SNAI2: variants seen among roughly 807,000 people sequenced by gnomAD.
SNAI2 encodes the protein zinc finger protein SNAI2.
SNAI2 carries 2 observed loss-of-function variants against 22.4 expected under a neutral mutation model. The observed-to-expected ratio is 0.09, with a 90% CI of 0.04 to 0.28. The LOEUF (loss-of-function observed/expected upper bound fraction) is 0.28, where lower values mean the gene tolerates loss of function less well. Ranked by LOEUF, SNAI2 falls within the 10% of genes least tolerant of loss-of-function variation. The pLI is 1.00. For synonymous variants in SNAI2, 134 were observed against 123.0 expected, an observed-to-expected ratio of 1.09 and a Z score of -0.59; for missense variants, 239 against 320.8, an observed-to-expected ratio of 0.75 and a Z score of 1.95.
Position 48,919,981 on chromosome 8 carries a change from G to A in SNAI2, c.540C>T (p.Thr180=). Reference sequence around the variant, plus strand: ...TCTTGCAAACACAAGGTAATGTGTGGGTCCGAATATGCATCTTCAGGGCGC... The same window carrying A: ...TCTTGCAAACACAAGGTAATGTGTGAGTCCGAATATGCATCTTCAGGGCGC... ...SLGALKMHIR[T]HTLPCVCKIC... The change falls in exon 2 of 3, where the codon ACC becomes ACT. Residue 180 remains threonine, a synonymous_variant. Coordinates refer to ENST00000020945, the MANE Select transcript of SNAI2 (RefSeq NM_003068.5). The A allele has an allele frequency of 6.2e-7, 1 of 1,614,122 alleles. No individual in the cohort carries two copies. The highest frequency in any genetic ancestry group is 8.5e-7 in the Non-Finnish European group (1 of 1,180,038).
At chr8:48,921,090 C>A (rs751411894) in intron 1 of SNAI2, 97 bp downstream of exon 1, 4 of 930,164 alleles carry the variant, frequency 4.3e-6, no homozygotes, top group Non-Finnish European at 7.1e-6. Context: ...ACAGTTGAAT[C>A]TTTGGCTCTT....
chr8:48,921,409 C>A lies in SNAI2; in HGVS notation c.-144G>T. On this transcript the variant is annotated 5_prime_UTR_variant, in exon 1 of 3. Coordinates refer to ENST00000020945, the MANE Select transcript of SNAI2 (RefSeq NM_003068.5). ...ACGGACGGGCCGGCGCCTCTGAAGT[C>A]ACCCGGCTCCTTTACGAACTGAGCC... The A allele has an allele frequency of 1.4e-6, 1 of 696,416 alleles. No homozygotes were observed. The highest frequency in any genetic ancestry group is 2.5e-6 in the Non-Finnish European group (1 of 392,422). The allele number at this position is 696,416 out of a possible 1,614,324, so 43.1% of individuals were successfully genotyped here. A position where few individuals can be genotyped will look rare whatever the true frequency, so the allele number is the denominator to read the frequency against.
chr8:48,921,102 T>G, intron 1 of SNAI2, 85 bp downstream of exon 1: 1 of 1,006,074 alleles, frequency 9.9e-7, no homozygotes, highest in Non-Finnish European at 1.6e-6. Context: ...TTGGCTCTTT[T>G]GTAATGGTAT....
In SNAI2 at chr8:48,918,490, A is replaced by T; in HGVS notation, c.*317T>A. The T allele has an allele frequency of 3.0e-6, 1 of 336,446 alleles. No individual in the cohort carries two copies. The highest frequency in any genetic ancestry group is 3.3e-5 in the South Asian group (1 of 30,334). The allele number at this position is 336,446 out of a possible 1,614,324, so 20.8% of individuals were successfully genotyped here. A position where few individuals can be genotyped will look rare whatever the true frequency, so the allele number is the denominator to read the frequency against. On this transcript the variant is annotated 3_prime_UTR_variant, in exon 3 of 3. Coordinates refer to ENST00000020945, the MANE Select transcript of SNAI2 (RefSeq NM_003068.5). Reference sequence around the variant, plus strand: ...GCAATGTAAATCTTTGCATTTTTTTAGGAAGAAAAGATGCAATGTGCTTTT... The same window carrying T: ...GCAATGTAAATCTTTGCATTTTTTTTGGAAGAAAAGATGCAATGTGCTTTT...
Position 48,920,197 on chromosome 8 carries a change from A to G in SNAI2, c.324T>C (p.Asp108=). The G allele has an allele frequency of 6.2e-7, 1 of 1,614,138 alleles. No homozygotes were observed. Among genetic ancestry groups the G allele is most frequent in the South Asian group, 1.1e-5 (1 of 91,078 alleles). ...GCTTGGACTGTAGTCTTTCCTCTTC[A>G]TCACTAATGGGGCTTTCTGAGCCAC... ...DHSGSESPIS[D]EEERLQSKLS... Residue 108 remains aspartate, a synonymous_variant, in exon 2 of 3, where the codon GAT becomes GAC. Transcript: ENST00000020945.
In SNAI2 at chr8:48,921,411, C is replaced by A. The variant is rs575616515; in HGVS notation, c.-146G>T. The A allele has an allele frequency of 9.9e-4, 686 of 695,312 alleles. 5 individuals carry two copies. Among genetic ancestry groups the A allele is most frequent in the Non-Finnish European group, 8.7e-5 (34 of 391,772 alleles). 43.1% of individuals were successfully genotyped at this position (695,312 alleles called of 1,614,324 possible). A position where few individuals can be genotyped will look rare whatever the true frequency, so the allele number is the denominator to read the frequency against. ...GGACGGGCCGGCGCCTCTGAAGTCA[C>A]CCGGCTCCTTTACGAACTGAGCCCG... On this transcript the variant is annotated 5_prime_UTR_variant, in exon 1 of 3. Coordinates refer to ENST00000020945, the MANE Select transcript of SNAI2 (RefSeq NM_003068.5).
chr8:48,918,854 A>T lies in SNAI2; in HGVS notation c.760T>A (p.Ser254Thr), dbSNP rs763814813. The change falls in exon 3 of 3, where the codon TCT becomes ACT. Residue 254 changes from serine to threonine, a missense_variant. Ser to Thr is a moderately conservative substitution (Grantham distance 58). Transcript: ENST00000020945. ...KNCSKTFSRM[S>T]LLHKHEESGC... ...GATTCCTCATGTTTGTGCAGGAGAG[A>T]CATTCTGGAGAAGGTTTTGGAGCAG... 9 of 1,614,148 alleles carry T rather than the reference A, an allele frequency of 5.6e-6. No homozygotes were observed. The East Asian group carries it at 2.0e-4, about 36-fold the overall frequency.
intron 2 of SNAI2, 60 bp downstream of exon 2, chr8:48,919,836 G>T (rs1806134937): frequency 1.2e-5 from 18 of 1,543,734 alleles, no homozygotes; most frequent in Non-Finnish European, 1.5e-5. Flanking sequence ...AAATCCAACA[G>T]CCAGCCCAGG....
At position 48,918,161 on chromosome 8, in the gene SNAI2, C is replaced by T. The variant is rs1359728381; in HGVS notation, c.*646G>A. On this transcript the variant is annotated 3_prime_UTR_variant, in exon 3 of 3. Transcript: ENST00000020945. ...CAAAGCTAATCTTTCCCTCCTCCCC[C>T]AAGGCACATACTGTTAATTGGCAAA... is the stretch of plus-strand genomic sequence containing the variant. 6.6e-6 allele frequency: 1 copy of T among 152,304 alleles called. No homozygotes were observed. Among genetic ancestry groups the T allele is most frequent in the Non-Finnish European group, 1.5e-5 (1 of 68,136 alleles). The allele number at this position is 152,304 out of a possible 1,614,324, so 9.4% of individuals were successfully genotyped here.
rs181460078 is a variant in SNAI2, at chr8:48,921,133, T to G, written c.79+54A>C. ...GGTATTTGAAGGGTAATACGTAGAT[T>G]CATATTTGCAAAGCTCTAGATACGT... On this transcript the variant is annotated intron_variant, in intron 1 of 2. Coordinates refer to ENST00000020945, the MANE Select transcript of SNAI2 (RefSeq NM_003068.5). 1,584 of 1,245,102 alleles carry G rather than the reference T, an allele frequency of 1.3e-3. 2 individuals carry two copies. Among genetic ancestry groups the G allele is most frequent in the Non-Finnish European group, 1.7e-3 (1,466 of 844,558 alleles). 77.1% of individuals were successfully genotyped at this position (1,245,102 alleles called of 1,614,324 possible).
At chr8:48,921,107 T>C in intron 1 of SNAI2, 80 bp downstream of exon 1, 1 of 1,021,264 alleles carries the variant, frequency 9.8e-7, no homozygotes, top group Non-Finnish European at 1.6e-6. Context: ...TCTTTTGTAA[T>C]GGTATTTGAA....
chr8:48,921,124 T>A, intron 1 of SNAI2, 63 bp downstream of exon 1: 3 of 1,158,390 alleles, frequency 2.6e-6, no homozygotes, highest in Non-Finnish European at 3.9e-6. Context: ...TGAAGGGTAA[T>A]ACGTAGATTC....
intron 2 of SNAI2, among the ~76,000 whole-genome samples, chr8:48,919,218 T>C (rs1430740545): frequency 6.6e-6 from 1 of 152,216 alleles, no homozygotes; most frequent in East Asian, 1.9e-4. Flanking sequence ...CTGCCAATCA[T>C]ACAGAAATAA....
Position 48,921,274 on chromosome 8 carries a change from C to G in SNAI2, c.-9G>C. 6.2e-7 allele frequency: 1 copy of G among 1,610,480 alleles called. No individual in the cohort carries two copies. The highest frequency in any genetic ancestry group is 8.5e-7 in the Non-Finnish European group (1 of 1,178,670). ...AGGAAGGAGCGCGGCATCTTGCCAG[C>G]GGGTCTGGCGGGCGCCCGGCGCGGA... On this transcript the variant is annotated 5_prime_UTR_variant, in exon 1 of 3. Transcript: ENST00000020945.
At position 48,918,174 on chromosome 8, in the gene SNAI2, G is replaced by A. The variant is rs771577552; in HGVS notation, c.*633C>T. ...TCCCTCCTCCCCCAAGGCACATACTGTTAATTGGCAAAAACAAAACAAAAC... is the reference window on the plus strand; with the variant it reads ...TCCCTCCTCCCCCAAGGCACATACTATTAATTGGCAAAAACAAAACAAAAC... On this transcript the variant is annotated 3_prime_UTR_variant, in exon 3 of 3. Transcript: ENST00000020945. 1 of 152,434 alleles carries A rather than the reference G, an allele frequency of 6.6e-6. No homozygotes were observed. Among genetic ancestry groups the A allele is most frequent in the Non-Finnish European group, 1.5e-5 (1 of 68,242 alleles). 9.4% of individuals were successfully genotyped at this position (152,434 alleles called of 1,614,324 possible).
At chr8:48,919,759 T>C (rs1585623115) in intron 2 of SNAI2, 137 bp downstream of exon 2, 5 of 950,336 alleles carry the variant, frequency 5.3e-6, no homozygotes, top group Non-Finnish European at 6.7e-6. Flanking sequence ...TAACAACTTT[T>C]TGAGTAGTCA....
intron 2 of SNAI2, among the ~76,000 whole-genome samples, 175 bp from the exon 3 acceptor site, chr8:48,919,163 A>C (rs1034173890): frequency 6.6e-6 from 1 of 152,236 alleles, no homozygotes; most frequent in African/African-American, 2.4e-5. Flanking sequence ...TTTTAAGATA[A>C]ACTTGAATAT....
At chr8:48,920,817 G>C (rs113043113) in intron 1 of SNAI2, among the ~76,000 whole-genome samples, 2 of 152,310 alleles carry the variant, frequency 1.3e-5, no homozygotes, top group East Asian at 3.9e-4. Context: ...TATTACGACC[G>C]TGAGTACAAA....
chr8:48,918,210 T>C lies in SNAI2; in HGVS notation c.*597A>G, dbSNP rs1806106190. The stretch of plus-strand genomic sequence containing the variant: ...AAAACAAAACAAAACAAAAATACTT[T>C]TAATACATTCTCCTGTGTTTTGTTC... On this transcript the variant is annotated 3_prime_UTR_variant, in exon 3 of 3. Coordinates refer to ENST00000020945, the MANE Select transcript of SNAI2 (RefSeq NM_003068.5). 6.5e-6 allele frequency: 1 copy of C among 152,768 alleles called. No homozygotes were observed. The allele number at this position is 152,768 out of a possible 1,614,324, so 9.5% of individuals were successfully genotyped here.
Sources: gnomAD v4.1 joint callset for allele counts (sites outside exome capture counted in the v4.1 genomes callset) on GRCh38, gnomAD v4.1.1 for gene constraint, MANE v1.5 for transcripts, NCBI Gene and HGNC (gene_info 2026-07-23, HGNC 2026-07-21) for gene names.